STPG2: variants seen among roughly 807,000 people sequenced by gnomAD.
STPG2 encodes the protein sperm-tail PG-rich repeat-containing protein 2.
STPG2 carries 56 observed loss-of-function variants against 54.2 expected under a neutral mutation model. The ratio of observed to expected loss-of-function variants is 1.03; its 90% CI spans 0.83 to 1.29. STPG2 has a LOEUF of 1.29. Among genes scored for constraint, STPG2 ranks in the 50% most tolerant of loss-of-function variants. The pLI, the probability that STPG2 is intolerant of heterozygous loss-of-function variation, is 0.00. For missense variants in STPG2, 596 were observed against 544.9 expected, an observed-to-expected ratio of 1.09 and a Z score of -0.93; for synonymous variants, 200 against 181.8, an observed-to-expected ratio of 1.10 and a Z score of -0.81.
chr4:97,590,788 C>CACAAATAAGTT (rs1733126399), intron 10 of STPG2, among the ~76,000 whole-genome samples: 1 of 151,874 alleles, frequency 6.6e-6, no homozygotes, highest in Non-Finnish European at 1.5e-5. Context: ...CTATATATTG[C>CACAAATAAGTT]ACAAATAAGT....
intron 10 of STPG2, among the ~76,000 whole-genome samples, chr4:97,588,247 T>C (rs1733049221): frequency 6.6e-6 from 1 of 151,692 alleles, no homozygotes. Context: ...CTCAAAAGAC[T>C]GATAAATTTG....
At chr4:97,965,264 G>T (rs1207279088) in intron 7 of STPG2, among the ~76,000 whole-genome samples, 1 of 152,178 alleles carries the variant, frequency 6.6e-6, no homozygotes, top group Non-Finnish European at 1.5e-5. Flanking sequence ...AGATCTACCT[G>T]CCAGGCTGCA....
chr4:97,456,269 C>T (rs1729515428), intron 4 of STPG2, among the ~76,000 whole-genome samples: 1 of 152,046 alleles, frequency 6.6e-6, no homozygotes, highest in African/African-American at 2.4e-5. Flanking sequence ...AGGAAACTTA[C>T]AATCATGGCG....
In STPG2 at chr4:98,045,420, T is replaced by G. The variant is rs180824832; in HGVS notation, c.612+60533A>C. On this transcript the variant is annotated intron_variant, in intron 5 of 10. Transcript: ENST00000295268. ...TGTCCTGTGATTTCTATCCATTTCC[T>G]GAGGCCTGTGGAAATAAACTTCATG... Among the ~76,000 whole-genome samples, 18 of 152,322 alleles carry G rather than the reference T, an allele frequency of 1.2e-4. No homozygotes were observed. In the East Asian group the frequency reaches 2.7e-3, roughly 23 times the overall value.
chr4:98,086,585 AT>A (rs1478893436), intron 5 of STPG2, among the ~76,000 whole-genome samples: 2 of 151,240 alleles, frequency 1.3e-5, no homozygotes, highest in African/African-American at 2.4e-5. Flanking sequence ...GAATCCAAAT[AT>A]TTAAATAATG....
intron 10 of STPG2, among the ~76,000 whole-genome samples, chr4:97,711,091 A>G (rs1399648468): frequency 6.6e-6 from 1 of 152,060 alleles, no homozygotes; most frequent in East Asian, 1.9e-4. Context: ...GACTAGTGGG[A>G]ACATCCTTTA....
intron 5 of STPG2, among the ~76,000 whole-genome samples, chr4:98,099,041 A>G (rs1738943292): frequency 6.6e-6 from 1 of 152,082 alleles, no homozygotes; most frequent in Non-Finnish European, 1.5e-5. Flanking sequence ...ACTATGAAGA[A>G]CAGTTTAGAG....
chr4:97,769,054 G>A (rs1452467202), intron 9 of STPG2, among the ~76,000 whole-genome samples: 2 of 152,152 alleles, frequency 1.3e-5, no homozygotes, highest in Non-Finnish European at 2.9e-5. Flanking sequence ...AGTTAGCAAA[G>A]CTGCAAAGCT....
At chr4:97,968,882 T>C (rs1734214796) in intron 7 of STPG2, among the ~76,000 whole-genome samples, 1 of 152,220 alleles carries the variant, frequency 6.6e-6, no homozygotes, top group African/African-American at 2.4e-5. Flanking sequence ...CAGCGCGTGA[T>C]GTGCTTCCCC....
At chr4:97,545,938 G>T (rs1052931086) in intron 4 of STPG2, among the ~76,000 whole-genome samples, 5 of 151,954 alleles carry the variant, frequency 3.3e-5, no homozygotes, top group African/African-American at 1.2e-4. Context: ...ACTACCTAGA[G>T]GCAATAAAAA....
chr4:97,937,512 A>G (rs982758782), intron 8 of STPG2, among the ~76,000 whole-genome samples: 1 of 151,518 alleles, frequency 6.6e-6, no homozygotes. Context: ...CATCTTCGTG[A>G]GTTTGTCTAG....
At chr4:97,443,537 G>T (rs1217203945) in intron 4 of STPG2, among the ~76,000 whole-genome samples, 1 of 152,102 alleles carries the variant, frequency 6.6e-6, no homozygotes, top group African/African-American at 2.4e-5. Flanking sequence ...TTGGAGAAGG[G>T]ACTCTAGTTA....
intron 5 of STPG2, chr4:98,026,289 A>G: frequency 2.8e-6 from 2 of 716,220 alleles, no homozygotes. Flanking sequence ...TTCTATGAAG[A>G]TTTTCAGATA....
chr4:98,038,398 G>A (rs1219190695), intron 5 of STPG2, among the ~76,000 whole-genome samples: 1 of 151,796 alleles, frequency 6.6e-6, no homozygotes, highest in Non-Finnish European at 1.5e-5. Context: ...AGAAATCTCA[G>A]AAGTGGAAAC....
chr4:98,050,478 T>C (rs1737283440), intron 5 of STPG2, among the ~76,000 whole-genome samples: 1 of 152,176 alleles, frequency 6.6e-6, no homozygotes, highest in Non-Finnish European at 1.5e-5. Context: ...CCCCTCTCTC[T>C]TCCTGAATCC....
At chr4:97,450,340 A>C (rs570265333) in intron 4 of STPG2, among the ~76,000 whole-genome samples, 14 of 152,276 alleles carry the variant, frequency 9.2e-5, no homozygotes, top group Admixed American at 8.5e-4. Flanking sequence ...CAAAGATCTA[A>C]TAATAAAATT....
At chr4:98,119,393 G>A (rs1460959373) in intron 3 of STPG2, among the ~76,000 whole-genome samples, 1 of 151,798 alleles carries the variant, frequency 6.6e-6, no homozygotes, top group East Asian at 1.9e-4. Context: ...AAAAAGTAAA[G>A]ATTAAAGAAG....
At chr4:97,565,128 C>T (rs955439640) in intron 10 of STPG2, among the ~76,000 whole-genome samples, 11 of 152,058 alleles carry the variant, frequency 7.2e-5, no homozygotes, top group Admixed American at 3.9e-4. Flanking sequence ...AGGCTTTGTT[C>T]GTTTCTTTTT....
chr4:97,668,210 G>C (rs1295956143), intron 10 of STPG2, among the ~76,000 whole-genome samples: 2 of 152,024 alleles, frequency 1.3e-5, no homozygotes, highest in Non-Finnish European at 2.9e-5. Flanking sequence ...CAAGGCAACA[G>C]GCAAAGCCAA....
Sources: allele counts gnomAD v4.1 joint callset (sites outside exome capture counted in the v4.1 genomes callset), GRCh38; gene constraint gnomAD v4.1.1; transcripts MANE v1.5; gene names NCBI Gene and HGNC (gene_info 2026-07-23, HGNC 2026-07-21).